The following PARP12 variants were observed in gnomAD, a reference collection of about 807,000 sequenced individuals.
PARP12 encodes the protein poly(ADP-ribose) polymerase family member 12.
PARP12 carries 59 observed loss-of-function variants against 72.4 expected under a neutral mutation model. That is an observed-to-expected ratio of 0.81 (90% CI 0.66 to 1.01). The LOEUF (loss-of-function observed/expected upper bound fraction) is 1.01. Among genes scored for constraint, PARP12 ranks in the 50% least tolerant of loss-of-function variants. The probability of loss-of-function intolerance (pLI) is 0.00; values close to 1 mark genes in which losing one functional copy is unlikely to be tolerated. For synonymous variants in PARP12, 403 were observed against 371.4 expected, an observed-to-expected ratio of 1.09 and a Z score of -0.98; for missense variants, 851 against 914.0, an observed-to-expected ratio of 0.93 and a Z score of 0.89.
At chr7:140,034,173 C>T (rs991772063) in intron 8 of PARP12, 62 bp downstream of exon 8, 1 of 1,571,576 alleles carries the variant, frequency 6.4e-7, no homozygotes, top group Non-Finnish European at 8.7e-7. Context: ...TTTTCTGTCA[C>T]CACTGCAGAG....
Position 140,024,731 on chromosome 7 carries a change from G to C in PARP12, c.1935C>G (p.Asn645Lys), listed in dbSNP as rs370502797. Reference sequence around the variant, plus strand: ...TGTTCACGCAGCTATCATAGAAGGCGTTGCTCCAGCCCTCCTTGGCCGGCG... The same window carrying C: ...TGTTCACGCAGCTATCATAGAAGGCCTTGCTCCAGCCCTCCTTGGCCGGCG... The part of the protein sequence containing the change: ...VRPPAKEGWS[N>K]AFYDSCVNSV... The change falls in exon 12 of 12, where the codon AAC becomes AAG. Residue 645 changes from asparagine to lysine, a missense_variant. Around this residue, in one of 3 missense-constraint regions of PARP12, gnomAD observed 347 missense variants for 396.1 expected, o/e 0.88. Transcript: ENST00000263549. The C allele has an allele frequency of 6.2e-6, 10 of 1,614,070 alleles. No individual in the cohort carries two copies. Among genetic ancestry groups the C allele is most frequent in the Non-Finnish European group, 6.8e-6 (8 of 1,180,042 alleles).
At position 140,062,527 on chromosome 7, in the gene PARP12, T is replaced by C. The variant is rs1446903468; in HGVS notation, c.321A>G (p.Arg107=). The change falls in exon 1 of 12, where the codon AGA becomes AGG. Residue 107 remains arginine (R), a synonymous_variant. Coordinates refer to ENST00000263549, the MANE Select transcript of PARP12 (RefSeq NM_022750.4). The part of the protein sequence containing the change: ...FMVYGACKFL[R]AGKNCRNSHS... Reference sequence around the variant, plus strand: ...CTCCCGGCGCGGCGCCTTACCCGGCTCTCAGGAACTTGCAGGCGCCGTAGA... The same window carrying C: ...CTCCCGGCGCGGCGCCTTACCCGGCCCTCAGGAACTTGCAGGCGCCGTAGA... 6.5e-7 allele frequency: 1 copy of C among 1,549,448 alleles called. No individual in the cohort carries two copies. Among genetic ancestry groups the C allele is most frequent in the Non-Finnish European group, 8.7e-7 (1 of 1,152,166 alleles).
chr7:140,024,582 G>A lies in PARP12; in HGVS notation c.2084C>T (p.Ser695Phe). ...CGCTCACTGTCGGCTGCTGAACAGG[G>A]AGCCCAAGGCCAGCAGGATGGAGGG... ...VTPSILLALG[S>F]LFSSRQ The change falls in exon 12 of 12, where the codon TCC (serine) becomes TTC (phenylalanine). Residue 695 changes from serine to phenylalanine, a missense_variant. By Grantham distance (155) the Ser-to-Phe change is radical. Coordinates refer to ENST00000263549, the MANE Select transcript of PARP12 (RefSeq NM_022750.4). The A allele has an allele frequency of 1.2e-6, 2 of 1,614,192 alleles. No individual in the cohort carries two copies. The highest frequency in any genetic ancestry group is 1.7e-6 in the Non-Finnish European group (2 of 1,180,044).
At position 140,062,829 on chromosome 7, in the gene PARP12, C is replaced by G; in HGVS notation, c.19G>C (p.Val7Leu). Residue 7 changes from valine (V) to leucine (L), a missense_variant, in exon 1 of 12, where the codon GTC becomes CTC. By Grantham distance (32) the Val-to-Leu change is conservative. Around this residue, in one of 3 missense-constraint regions of PARP12, gnomAD observed 492 missense variants for 489.3 expected, o/e 1.01. Transcript: ENST00000263549. MAQAGVVGEVTQVLCAA... is the reference protein window; with the variant it reads MAQAGVLGEVTQVLCAA... ...CACAGCACCTGGGTGACCTCACCGA[C>G]GACGCCGGCCTGGGCCATGGCCGCT... 7.2e-7 allele frequency: 1 copy of G among 1,398,294 alleles called. No individual in the cohort carries two copies. 86.6% of individuals were successfully genotyped at this position (1,398,294 alleles called of 1,614,324 possible). A position where few individuals can be genotyped will look rare whatever the true frequency, so the allele number is the denominator to read the frequency against.
At chr7:140,026,164 G>A (rs118130826) in intron 11 of PARP12, 33 bp downstream of exon 11, 37,138 of 1,614,024 alleles carry the variant, frequency 0.023, 496 homozygotes, top group Non-Finnish European at 0.026. Context: ...AAAGCAACAT[G>A]GGTTTTGCTG....
At chr7:140,059,946 A>C (rs1817372242) in intron 1 of PARP12, among the ~76,000 whole-genome samples, 1 of 152,334 alleles carries the variant, frequency 6.6e-6, no homozygotes, top group South Asian at 2.1e-4. Flanking sequence ...ACAGCAAGAG[A>C]AAGGAAGAAC....
chr7:140,053,133 A>G lies in PARP12; in HGVS notation c.862+1529T>C, dbSNP rs770831981. Among the ~76,000 whole-genome samples, 30 of 152,218 alleles carry G rather than the reference A, an allele frequency of 2.0e-4. 2 individuals are homozygous for G. Among genetic ancestry groups the G allele is most frequent in the South Asian group, 8.3e-4 (4 of 4,832 alleles). On this transcript the variant is annotated intron_variant, in intron 4 of 11. Coordinates refer to ENST00000263549, the MANE Select transcript of PARP12 (RefSeq NM_022750.4). ...AATGGAAACATATATCCACATGAAA[A>G]CTTATACATAAATATTTATAGAAGT... is the stretch of plus-strand genomic sequence containing the variant.
chr7:140,046,965 T>C lies in PARP12; in HGVS notation c.905A>G (p.Gln302Arg). 1 of 1,614,012 alleles carries C rather than the reference T, an allele frequency of 6.2e-7. No homozygotes were observed. The highest frequency in any genetic ancestry group is 8.5e-7 in the Non-Finnish European group (1 of 1,179,980). Reference protein sequence around the residue: ...RVHFHLPYRWQFLDRGKWEDL... With the variant: ...RVHFHLPYRWRFLDRGKWEDL... ...CTCCCATTTGCCTCTATCCAAGAAT[T>C]GCCATCGATACGGCAAATGGAAATG... Residue 302 changes from glutamine (Q) to arginine (R), a missense_variant, in exon 5 of 12, where the codon CAA becomes CGA. Gln to Arg is a conservative substitution (Grantham distance 43, BLOSUM62 1). This residue lies in a region of PARP12 where 492 missense variants were observed against 489.3 expected (regional missense o/e 1.01). Coordinates refer to ENST00000263549, the MANE Select transcript of PARP12 (RefSeq NM_022750.4).
At chr7:140,033,911 G>A (rs756184552) in intron 8 of PARP12, 181 of 1,012,126 alleles carry the variant, frequency 1.8e-4, no homozygotes, top group Non-Finnish European at 1.9e-4. Flanking sequence ...AAAAATTCAA[G>A]TCTATGACTC....
At position 140,054,840 on chromosome 7, in the gene PARP12, T is replaced by C. The variant is rs903081140; in HGVS notation, c.761-77A>G. ...GAGAGTTAAAGAGGATTCATTCAGTTCTCTGCACAAAAGTGGGCAACGCAA... is the reference window on the plus strand; with the variant it reads ...GAGAGTTAAAGAGGATTCATTCAGTCCTCTGCACAAAAGTGGGCAACGCAA... On this transcript the variant is annotated intron_variant, in intron 3 of 11. Transcript: ENST00000263549. 3 of 1,298,078 alleles carry C rather than the reference T, an allele frequency of 2.3e-6. No homozygotes were observed. In the African/African-American group the frequency reaches 4.4e-5, roughly 19 times the overall value. The allele number at this position is 1,298,078 out of a possible 1,614,324, so 80.4% of individuals were successfully genotyped here. A position where few individuals can be genotyped will look rare whatever the true frequency, so the allele number is the denominator to read the frequency against.
chr7:140,043,289 TAACAAA>T (rs1816572066), intron 5 of PARP12, among the ~76,000 whole-genome samples: 1 of 152,272 alleles, frequency 6.6e-6, no homozygotes, highest in East Asian at 1.9e-4. Flanking sequence ...GAGCAAAAGT[TAACAAA>T]AACAAAATCA....
intron 4 of PARP12, among the ~76,000 whole-genome samples, chr7:140,047,296 G>A (rs920042047): frequency 6.6e-6 from 1 of 152,214 alleles, no homozygotes; most frequent in African/African-American, 2.4e-5. Flanking sequence ...AGAGGTGACT[G>A]GGTCATAGAT....
Position 140,024,037 on chromosome 7 carries a change from A to G in PARP12, c.*523T>C. The G allele has an allele frequency of 4.7e-6, 1 of 211,232 alleles. No individual in the cohort carries two copies. Among genetic ancestry groups the G allele is most frequent in the South Asian group, 7.2e-5 (1 of 13,936 alleles). 13.1% of individuals were successfully genotyped at this position (211,232 alleles called of 1,614,324 possible). A position where few individuals can be genotyped will look rare whatever the true frequency, so the allele number is the denominator to read the frequency against. ...CAGCCACCTGTTCTGACAATGTGAC[A>G]CAGACCAACTAATGCCAGAGCCCAG... On this transcript the variant is annotated 3_prime_UTR_variant, in exon 12 of 12. Coordinates refer to ENST00000263549, the MANE Select transcript of PARP12 (RefSeq NM_022750.4).
chr7:140,040,711 C>T (rs1301913999), intron 6 of PARP12, among the ~76,000 whole-genome samples: 3 of 152,198 alleles, frequency 2.0e-5, no homozygotes, highest in East Asian at 1.9e-4. Flanking sequence ...CAGAAGAGTA[C>T]AAAATACCTA....
chr7:140,024,725 G>A lies in PARP12; in HGVS notation c.1941C>T (p.Phe647=). 1 of 1,614,198 alleles carries A rather than the reference G, an allele frequency of 6.2e-7. No individual in the cohort carries two copies. The highest frequency in any genetic ancestry group is 8.5e-7 in the Non-Finnish European group (1 of 1,180,040). The change falls in exon 12 of 12, where the codon TTC becomes TTT. Residue 647 remains phenylalanine, a synonymous_variant. Transcript: ENST00000263549. The part of the protein sequence containing the change: ...PPAKEGWSNA[F]YDSCVNSVSD... ...ACACACTGTTCACGCAGCTATCATA[G>A]AAGGCGTTGCTCCAGCCCTCCTTGG...
At chr7:140,041,974 T>C (rs974748746) in intron 5 of PARP12, 135 bp from the exon 6 acceptor site, 8 of 682,224 alleles carry the variant, frequency 1.2e-5, no homozygotes, top group Admixed American at 6.0e-5. Flanking sequence ...TTCCCAGAGG[T>C]AGAGGAAACT....
At chr7:140,057,501 AT>A in intron 2 of PARP12, 1 of 319,894 alleles carries the variant, frequency 3.1e-6, no homozygotes, top group Non-Finnish European at 5.4e-6. Flanking sequence ...ACACTGACTC[AT>A]CAACTCTCCC....
At position 140,037,741 on chromosome 7, in the gene PARP12, T is replaced by C; in HGVS notation, c.1298A>G (p.Lys433Arg). 1 of 1,614,210 alleles carries C rather than the reference T, an allele frequency of 6.2e-7. No individual in the cohort carries two copies. Among genetic ancestry groups the C allele is most frequent in the Non-Finnish European group, 8.5e-7 (1 of 1,180,012 alleles). ...TTTGAAATCTAACTCGTAGTTGTGC[T>C]TTCCGGCCTGGAACTTCAAGGTGGC... ...QAATLKFQAG[K>R]HNYELDFKAF... The change falls in exon 7 of 12, where the codon AAG becomes AGG. Residue 433 changes from lysine to arginine, a missense_variant. Around this residue, in one of 3 missense-constraint regions of PARP12, gnomAD observed 347 missense variants for 396.1 expected, o/e 0.88. Transcript: ENST00000263549.
At chr7:140,057,764 T>C (rs1349139006) in intron 2 of PARP12, 135 bp downstream of exon 2, 6 of 1,288,936 alleles carry the variant, frequency 4.7e-6, no homozygotes, top group African/African-American at 1.5e-5. Context: ...CTGCTCCACA[T>C]TCCAAATTTC....
Sources: gnomAD v4.1 joint callset for allele counts (sites outside exome capture counted in the v4.1 genomes callset) on GRCh38, gnomAD v4.1.1 for gene constraint, gnomAD v4.1.1 regional missense constraint, MANE v1.5 for transcripts, NCBI Gene and HGNC (gene_info 2026-07-23, HGNC 2026-07-21) for gene names.